Variants in CDC73 observed in about 807,000 individuals in gnomAD.
CDC73 encodes the protein parafibromin.
CDC73 carries 21 observed loss-of-function variants against 83.7 expected under a neutral mutation model. That is an observed-to-expected ratio of 0.25 (90% CI 0.18 to 0.36). The LOEUF is 0.36. CDC73 is among the 10% of genes least tolerant of loss of function. CDC73 has a pLI of 1.00. For synonymous variants in CDC73, 224 were observed against 212.9 expected, an observed-to-expected ratio of 1.05 and a Z score of -0.45; for missense variants, 342 against 653.3, an observed-to-expected ratio of 0.52 and a Z score of 5.19.
At chr1:193,202,971 T>A (rs558027169) in intron 10 of CDC73, among the ~76,000 whole-genome samples, 1 of 152,212 alleles carries the variant, frequency 6.6e-6, no homozygotes, top group East Asian at 1.9e-4. Context: ...TGATAATTTG[T>A]CAAATTTCCT....
chr1:193,206,241 CT>C (rs1677187203), intron 11 of CDC73, among the ~76,000 whole-genome samples: 1 of 152,086 alleles, frequency 6.6e-6, no homozygotes, highest in Admixed American at 6.5e-5. Context: ...TTCTAGCTTA[CT>C]TTTTAGCTAA....
chr1:193,215,118 ACT>A (rs760318932), intron 13 of CDC73, among the ~76,000 whole-genome samples: 31 of 152,128 alleles, frequency 2.0e-4, no homozygotes, highest in Non-Finnish European at 4.0e-4. Flanking sequence ...CTGTCTTTTG[ACT>A]CTCTGCAAAC....
chr1:193,182,777 A>T (rs1366275179), intron 10 of CDC73, among the ~76,000 whole-genome samples: 1 of 152,040 alleles, frequency 6.6e-6, no homozygotes, highest in African/African-American at 2.4e-5. Context: ...TGTTGTTTTT[A>T]GTTTTTGGGG....
At chr1:193,234,175 T>TCTCTCACA (rs1241998258) in intron 14 of CDC73, among the ~76,000 whole-genome samples, 90 of 101,400 alleles carry the variant, frequency 8.9e-4, no homozygotes, top group Middle Eastern at 4.7e-3. Context: ...TCTCTCTCTC[T>TCTCTCACA]CACACACACA....
chr1:193,214,868 G>A (rs1010708774), intron 13 of CDC73, among the ~76,000 whole-genome samples: 1 of 152,220 alleles, frequency 6.6e-6, no homozygotes, highest in African/African-American at 2.4e-5. Flanking sequence ...GATGAATTTA[G>A]TGATAACTCT....
chr1:193,235,699 A>T lies in CDC73; in HGVS notation c.1317-557A>T, dbSNP rs1190004601. On this transcript the variant is annotated intron_variant, in intron 14 of 16. Transcript: ENST00000367435. ...TTTAGGGTGAATGAAACAGTTGTAA[A>T]ACAATTGCAAAAATTATAAAAGTCT... is the stretch of plus-strand genomic sequence containing the variant. Among the ~76,000 whole-genome samples, 4 of 152,340 alleles carry T rather than the reference A, an allele frequency of 2.6e-5. No individual in the cohort carries two copies. The East Asian group carries it at 7.7e-4, about 29-fold the overall frequency.
intron 10 of CDC73, chr1:193,181,789 G>C: frequency 2.4e-6 from 1 of 416,828 alleles, no homozygotes; most frequent in Non-Finnish European, 4.2e-6. Context: ...ATATAACCCA[G>C]GAACGAAGCT....
At chr1:193,195,512 A>G (rs1418670513) in intron 10 of CDC73, among the ~76,000 whole-genome samples, 1 of 152,148 alleles carries the variant, frequency 6.6e-6, no homozygotes, top group Non-Finnish European at 1.5e-5. Flanking sequence ...TTGGATATAT[A>G]TACTCAAACA....
rs369820009 is a variant in CDC73 at position 193,122,194 on chromosome 1, G to C, written c.-7G>C. On this transcript the variant is annotated 5_prime_UTR_variant, in exon 1 of 17. Transcript: ENST00000367435. Reference sequence around the variant, plus strand: ...GCCCCGAGCCGGCGGAGGCGAGGGGGGGGAAGATGGCGGACGTGCTTAGCG... The same window carrying C: ...GCCCCGAGCCGGCGGAGGCGAGGGGCGGGAAGATGGCGGACGTGCTTAGCG... 6.2e-7 allele frequency: 1 copy of C among 1,613,280 alleles called. No homozygotes were observed.
At chr1:193,236,655 G>A (rs989581270) in intron 15 of CDC73, 8 of 357,880 alleles carry the variant, frequency 2.2e-5, no homozygotes, top group Non-Finnish European at 2.7e-5. Flanking sequence ...AGCACTTTGG[G>A]AAGCTGAGGC....
chr1:193,177,004 A>T (rs1217958500), intron 10 of CDC73, among the ~76,000 whole-genome samples: 2 of 152,118 alleles, frequency 1.3e-5, no homozygotes, highest in Non-Finnish European at 2.9e-5. Flanking sequence ...AAAGAAGGGA[A>T]AATAATTGGG....
chr1:193,218,113 C>T (rs1295012724), intron 13 of CDC73, among the ~76,000 whole-genome samples: 1 of 152,054 alleles, frequency 6.6e-6, no homozygotes, highest in Non-Finnish European at 1.5e-5. Flanking sequence ...TAGTAATGTC[C>T]AAGCTGAGAA....
intron 15 of CDC73, among the ~76,000 whole-genome samples, chr1:193,238,973 G>A (rs1305806930): frequency 1.3e-5 from 2 of 152,140 alleles, no homozygotes; most frequent in Non-Finnish European, 2.9e-5. Context: ...AGGATCAAAT[G>A]TATATGGTTA....
intron 3 of CDC73, among the ~76,000 whole-genome samples, chr1:193,132,023 T>TATACCCACAAATACCC (rs1675704602): frequency 6.6e-6 from 1 of 152,236 alleles, no homozygotes; most frequent in Non-Finnish European, 1.5e-5. Context: ...ACCCAGCATT[T>TATACCCACAAATACCC]ACAATAGTGG....
At chr1:193,246,319 C>T (rs529633411) in intron 15 of CDC73, among the ~76,000 whole-genome samples, 1 of 152,110 alleles carries the variant, frequency 6.6e-6, no homozygotes, top group South Asian at 2.1e-4. Context: ...TTTCATTCTT[C>T]TGTATATAGA....
At chr1:193,215,896 A>C (rs2102041795) in intron 13 of CDC73, among the ~76,000 whole-genome samples, 1 of 152,254 alleles carries the variant, frequency 6.6e-6, no homozygotes, top group African/African-American at 2.4e-5. Flanking sequence ...AGCCTCAAAA[A>C]ATTCTTTGAA....
chr1:193,248,860 A>T (rs552500068), intron 15 of CDC73, among the ~76,000 whole-genome samples: 1 of 152,202 alleles, frequency 6.6e-6, no homozygotes, highest in Non-Finnish European at 1.5e-5. Flanking sequence ...TGAGCAAAGA[A>T]AGTGGTTTTT....
rs1466881920 is a variant in CDC73, at chr1:193,252,825, G to C, written c.*2113G>C. On this transcript the variant is annotated 3_prime_UTR_variant, in exon 17 of 17. Transcript: ENST00000367435. ...CCTATATAGCAGTACTTAACACAGTGCCTTGCACATAGTAGGCATTCAGTA... is the reference window on the plus strand; with the variant it reads ...CCTATATAGCAGTACTTAACACAGTCCCTTGCACATAGTAGGCATTCAGTA... 1 of 231,728 alleles carries C rather than the reference G, an allele frequency of 4.3e-6. No homozygotes were observed. Among genetic ancestry groups the C allele is most frequent in the East Asian group, 6.1e-5 (1 of 16,388 alleles). The allele number at this position is 231,728 out of a possible 1,614,324, so 14.4% of individuals were successfully genotyped here.
At chr1:193,151,931 T>C (rs904767268) in intron 9 of CDC73, among the ~76,000 whole-genome samples, 14 of 152,036 alleles carry the variant, frequency 9.2e-5, no homozygotes, top group Non-Finnish European at 1.8e-4. Flanking sequence ...AGACCCTGTC[T>C]CAAAAGAAAA....
Sources: allele counts gnomAD v4.1 joint callset (sites outside exome capture counted in the v4.1 genomes callset), GRCh38; gene constraint gnomAD v4.1.1; transcripts MANE v1.5; gene names NCBI Gene and HGNC (gene_info 2026-07-23, HGNC 2026-07-21).